EHBP1: variants seen among roughly 807,000 people sequenced by gnomAD.
EHBP1 encodes the protein EH domain-binding protein 1.
EHBP1 carries 55 observed loss-of-function variants against 144.0 expected under a neutral mutation model. The observed-to-expected ratio is 0.38, with a 90% CI of 0.31 to 0.48. The LOEUF is 0.48. EHBP1 is among the 20% of genes least tolerant of loss of function. EHBP1 has a pLI of 0.98. For synonymous variants in EHBP1, 469 were observed against 472.7 expected, an observed-to-expected ratio of 0.99 and a Z score of 0.10; for missense variants, 1,200 against 1,364.2, an observed-to-expected ratio of 0.88 and a Z score of 1.90.
chr2:62,684,467 C>A (rs1200319887), intron 1 of EHBP1, among the ~76,000 whole-genome samples: 2 of 152,032 alleles, frequency 1.3e-5, no homozygotes, highest in African/African-American at 2.4e-5. Context: ...AGGGAAAAAG[C>A]CAAAGTGGGA....
Position 62,858,490 on chromosome 2 carries a change from A to G in EHBP1, c.635-679A>G, listed in dbSNP as rs778196641. 1.9e-6 allele frequency: 3 copies of G among 1,610,874 alleles called. No homozygotes were observed. Among genetic ancestry groups the G allele is most frequent in the South Asian group, 1.1e-5 (1 of 90,464 alleles). ...AAGCAAGCAAATATGCGTTCAGCTA[A>G]ATCAGCCAGTTCCTCTGAAGGTCTA... On this transcript the variant is annotated intron_variant, in intron 7 of 22. Coordinates refer to ENST00000431489, the MANE Select transcript of EHBP1 (RefSeq NM_001142616.3).
intron 8 of EHBP1, among the ~76,000 whole-genome samples, chr2:62,860,674 A>G (rs1260099630): frequency 6.6e-6 from 1 of 152,200 alleles, no homozygotes; most frequent in East Asian, 1.9e-4. Flanking sequence ...TTTATACTAC[A>G]TACAATTAAG....
chr2:62,988,650 GT>G (rs2059293276), intron 15 of EHBP1, among the ~76,000 whole-genome samples: 2 of 152,112 alleles, frequency 1.3e-5, no homozygotes, highest in Admixed American at 1.3e-4. Context: ...TTTGCTGGTG[GT>G]TTTTAATAGG....
intron 19 of EHBP1, among the ~76,000 whole-genome samples, chr2:63,002,243 G>A (rs557765422): frequency 6.6e-6 from 1 of 151,908 alleles, no homozygotes; most frequent in Admixed American, 6.6e-5. Context: ...GTTTTTTTGA[G>A]TTATGTTAAA....
At chr2:62,930,897 A>T (rs1401182080) in intron 10 of EHBP1, among the ~76,000 whole-genome samples, 1 of 152,226 alleles carries the variant, frequency 6.6e-6, no homozygotes. Flanking sequence ...GAAGACTTCA[A>T]TGTAAGGGCT....
chr2:62,956,651 C>T (rs1333052193), intron 14 of EHBP1, among the ~76,000 whole-genome samples: 2 of 146,198 alleles, frequency 1.4e-5, no homozygotes, highest in African/African-American at 5.1e-5. Flanking sequence ...AGTCTGAGAC[C>T]AGCCTAGGCA....
At chr2:62,887,349 T>C (rs1313357745) in intron 10 of EHBP1, among the ~76,000 whole-genome samples, 1 of 152,150 alleles carries the variant, frequency 6.6e-6, no homozygotes, top group Non-Finnish European at 1.5e-5. Flanking sequence ...CTAATACTTA[T>C]TTAAAATGTG....
chr2:63,001,575 A>G (rs2153228921), intron 19 of EHBP1, among the ~76,000 whole-genome samples: 1 of 152,314 alleles, frequency 6.6e-6, no homozygotes, highest in South Asian at 2.1e-4. Context: ...CTTATTAGAT[A>G]TTTGGCTCTG....
chr2:62,750,502 T>C (rs1462083140), intron 3 of EHBP1, among the ~76,000 whole-genome samples: 6 of 152,200 alleles, frequency 3.9e-5, no homozygotes, highest in Non-Finnish European at 8.8e-5. Context: ...TTAAAGTAGT[T>C]TTTTCCAATT....
chr2:62,938,222 A>G (rs1215667048), intron 10 of EHBP1, among the ~76,000 whole-genome samples: 2 of 152,260 alleles, frequency 1.3e-5, no homozygotes, highest in African/African-American at 4.8e-5. Context: ...AGGACAGCCA[A>G]CTGGAAATGT....
chr2:62,953,503 C>G (rs1218100585), intron 13 of EHBP1, among the ~76,000 whole-genome samples: 3 of 151,644 alleles, frequency 2.0e-5, no homozygotes, highest in South Asian at 2.1e-4. Context: ...GAGCTGTGAT[C>G]ATGCCATTGG....
chr2:62,818,532 CAAT>C (rs2045617739), intron 5 of EHBP1, among the ~76,000 whole-genome samples: 1 of 151,986 alleles, frequency 6.6e-6, no homozygotes, highest in Non-Finnish European at 1.5e-5. Context: ...GATGTTCACA[CAAT>C]GATGCATTTC....
chr2:62,773,382 C>T (rs538625771), intron 5 of EHBP1, among the ~76,000 whole-genome samples: 2 of 152,190 alleles, frequency 1.3e-5, no homozygotes, highest in South Asian at 2.1e-4. Context: ...TACAGGACCC[C>T]TACTTGCATA....
chr2:62,983,509 A>G (rs1001945007), intron 15 of EHBP1, among the ~76,000 whole-genome samples: 9 of 151,938 alleles, frequency 5.9e-5, no homozygotes, highest in Non-Finnish European at 1.3e-4. Context: ...GTTAGATTAG[A>G]TTAGATTTGC....
chr2:62,916,148 T>G (rs909908269), intron 10 of EHBP1, among the ~76,000 whole-genome samples: 4 of 152,096 alleles, frequency 2.6e-5, no homozygotes, highest in African/African-American at 4.8e-5. Flanking sequence ...TAGTGAGATC[T>G]TGTCTCTAAA....
intron 10 of EHBP1, among the ~76,000 whole-genome samples, chr2:62,912,222 A>G (rs2054278183): frequency 6.6e-6 from 1 of 152,122 alleles, no homozygotes; most frequent in Non-Finnish European, 1.5e-5. Context: ...TTCCTATGAT[A>G]TTCAATAGAA....
chr2:62,769,195 A>G (rs2041435738), intron 4 of EHBP1, among the ~76,000 whole-genome samples: 1 of 152,198 alleles, frequency 6.6e-6, no homozygotes, highest in Non-Finnish European at 1.5e-5. Flanking sequence ...AGCGCATCCA[A>G]ATAGGAAGAG....
rs1471749493 is a variant in EHBP1, at chr2:62,706,956, A to AC, written c.-232dup. On this transcript the variant is annotated 5_prime_UTR_variant, in exon 2 of 23. It removes the in-frame stop codon of an upstream open reading frame in the 5' UTR. Transcript: ENST00000431489. ...GGCATGGTGATGTCTCCATGAGGGA[A>AC]CCCCTTCCCACTCATCCTGTCACGT... 1 of 465,032 alleles carries AC rather than the reference A, an allele frequency of 2.2e-6. No individual in the cohort carries two copies. Among genetic ancestry groups the AC allele is most frequent in the African/African-American group, 2.0e-5 (1 of 50,914 alleles). 28.8% of individuals were successfully genotyped at this position (465,032 alleles called of 1,614,324 possible). A position where few individuals can be genotyped will look rare whatever the true frequency, so the allele number is the denominator to read the frequency against.
chr2:62,709,492 C>T (rs998637426), intron 2 of EHBP1, among the ~76,000 whole-genome samples: 1 of 152,154 alleles, frequency 6.6e-6, no homozygotes, highest in Non-Finnish European at 1.5e-5. Flanking sequence ...GTTTCTTCCT[C>T]ACAGTTTGCA....
Sources: allele counts gnomAD v4.1 joint callset (sites outside exome capture counted in the v4.1 genomes callset), GRCh38; gene constraint gnomAD v4.1.1; transcripts MANE v1.5; gene names NCBI Gene and HGNC (gene_info 2026-07-23, HGNC 2026-07-21).